Variants in ASTN1 observed in about 807,000 individuals in gnomAD.
ASTN1 encodes the protein astrotactin 1.
In ASTN1, 41 loss-of-function variants were observed where a neutral mutation model predicts 140.7. The ratio of observed to expected loss-of-function variants is 0.29; its 90% CI spans 0.23 to 0.38. ASTN1 has a LOEUF of 0.38. Among genes scored for constraint, ASTN1 ranks in the 10% least tolerant of loss-of-function variants. The probability of loss-of-function intolerance (pLI) is 1.00; values close to 1 mark genes in which losing one functional copy is unlikely to be tolerated. For missense variants in ASTN1, 1,479 were observed against 1,678.8 expected (o/e 0.88, Z 2.08); for synonymous variants, 640 against 652.2 (o/e 0.98, Z 0.29).
At chr1:176,884,083 A>C (rs1668924880) in intron 19 of ASTN1, among the ~76,000 whole-genome samples, 1 of 152,202 alleles carries the variant, frequency 6.6e-6, no homozygotes, top group Non-Finnish European at 1.5e-5. Context: ...CACCTCTTTT[A>C]TAAACAAAAA....
intron 1 of ASTN1, among the ~76,000 whole-genome samples, chr1:177,139,488 A>C (rs993417862): frequency 6.6e-6 from 1 of 152,222 alleles, no homozygotes; most frequent in African/African-American, 2.4e-5. Context: ...TCCTGAACAG[A>C]AGCATATAAT....
chr1:176,930,157 C>T (rs1671146243), intron 16 of ASTN1, among the ~76,000 whole-genome samples: 1 of 152,092 alleles, frequency 6.6e-6, no homozygotes, highest in Non-Finnish European at 1.5e-5. Flanking sequence ...TGAAGACATA[C>T]TTAGGTGGTG....
intron 1 of ASTN1, among the ~76,000 whole-genome samples, chr1:177,145,279 C>T (rs796743078): frequency 2.0e-5 from 3 of 152,218 alleles, no homozygotes; most frequent in African/African-American, 7.2e-5. Context: ...TACCAAGGCC[C>T]CTGGGAAACA....
rs1667982191 is a variant in ASTN1 at position 176,861,954 on chromosome 1, C to T, written c.*2330G>A. The T allele has an allele frequency of 4.1e-6, 4 of 985,588 alleles. No individual in the cohort carries two copies. Among genetic ancestry groups the T allele is most frequent in the South Asian group, 4.7e-5 (1 of 21,280 alleles). The allele number at this position is 985,588 out of a possible 1,614,324, so 61.1% of individuals were successfully genotyped here. Reference sequence around the variant, plus strand: ...TCACCCTCTCCCTGGCCTGTCAACTCCCACATCATCCACTTCTGGGCAGGA... The same window carrying T: ...TCACCCTCTCCCTGGCCTGTCAACTTCCACATCATCCACTTCTGGGCAGGA... On this transcript the variant is annotated 3_prime_UTR_variant, in exon 23 of 23. Coordinates refer to ENST00000361833, the MANE Select transcript of ASTN1 (RefSeq NM_004319.3).
chr1:176,911,441 T>C (rs1670234475), intron 16 of ASTN1, among the ~76,000 whole-genome samples: 1 of 152,238 alleles, frequency 6.6e-6, no homozygotes, highest in South Asian at 2.1e-4. Flanking sequence ...TCTTTTGTAA[T>C]AACACTGAGC....
chr1:176,924,384 A>G (rs1670866552), intron 16 of ASTN1, among the ~76,000 whole-genome samples: 1 of 152,172 alleles, frequency 6.6e-6, no homozygotes, highest in Non-Finnish European at 1.5e-5. Flanking sequence ...TCTCAGCTCA[A>G]AATCACCGTC....
At chr1:176,859,346 G>A (rs1667895771), downstream of ASTN1, among the ~76,000 whole-genome samples, 1 of 152,110 alleles carries the variant, frequency 6.6e-6, no homozygotes, top group South Asian at 2.1e-4. Context: ...CATTGGTGAT[G>A]GGGACATTGT....
intron 8 of ASTN1, among the ~76,000 whole-genome samples, chr1:176,979,297 C>T (rs1199860723): frequency 6.6e-6 from 1 of 152,156 alleles, no homozygotes; most frequent in Non-Finnish European, 1.5e-5. Flanking sequence ...TGGCTATCAT[C>T]TATGATGATA....
intron 6 of ASTN1, among the ~76,000 whole-genome samples, chr1:177,023,982 C>T (rs1014018464): frequency 6.6e-6 from 1 of 152,282 alleles, no homozygotes; most frequent in Non-Finnish European, 1.5e-5. Flanking sequence ...TCTAACACTG[C>T]GTGAACAGTC....
Position 176,861,121 on chromosome 1 carries a change from C to A in ASTN1, c.*3163G>T. 1.1e-6 allele frequency: 1 copy of A among 946,272 alleles called. No individual in the cohort carries two copies. Among genetic ancestry groups the A allele is most frequent in the Non-Finnish European group, 1.3e-6 (1 of 794,344 alleles). The allele number at this position is 946,272 out of a possible 1,614,324, so 58.6% of individuals were successfully genotyped here. A position where few individuals can be genotyped will look rare whatever the true frequency, so the allele number is the denominator to read the frequency against. ...AGTTAATTATTTCATCTTTTATAAT[C>A]ATACAATAATTCTCTTTTAAACAAC... is the stretch of plus-strand genomic sequence containing the variant. On this transcript the variant is annotated 3_prime_UTR_variant, in exon 23 of 23. Coordinates refer to ENST00000361833, the MANE Select transcript of ASTN1 (RefSeq NM_004319.3).
intron 15 of ASTN1, 62 bp downstream of exon 15, chr1:176,936,204 C>T (rs1422300208): frequency 6.9e-7 from 1 of 1,457,796 alleles, no homozygotes; most frequent in South Asian, 1.1e-5. Flanking sequence ...AAGGCTTCTC[C>T]CCTTGGAAAG....
At chr1:176,991,847 T>C (rs926809246) in intron 8 of ASTN1, among the ~76,000 whole-genome samples, 1 of 152,234 alleles carries the variant, frequency 6.6e-6, no homozygotes, top group Non-Finnish European at 1.5e-5. Flanking sequence ...CAGAAAATGA[T>C]GTCAATCTTA....
intron 1 of ASTN1, among the ~76,000 whole-genome samples, chr1:177,068,825 T>C (rs142172253): frequency 0.012 from 1,850 of 149,364 alleles, 43 homozygotes; most frequent in African/African-American, 0.044. Flanking sequence ...TCTTTTCTTT[T>C]TTTTTTTTTT....
At chr1:177,045,950 A>G (rs1348447268) in intron 2 of ASTN1, among the ~76,000 whole-genome samples, 1 of 152,122 alleles carries the variant, frequency 6.6e-6, no homozygotes, top group Non-Finnish European at 1.5e-5. Context: ...AAATAAAAGT[A>G]CCTTCTCTTT....
Position 176,864,065 on chromosome 1 carries a change from G to A in ASTN1, c.*219C>T. On this transcript the variant is annotated 3_prime_UTR_variant, in exon 23 of 23. Coordinates refer to ENST00000361833, the MANE Select transcript of ASTN1 (RefSeq NM_004319.3). ...TAATCCTCTAAAGAAATATGGCACT[G>A]CATGAAGCCACTGGCTGGCAGATTT... is the stretch of plus-strand genomic sequence containing the variant. The A allele has an allele frequency of 7.2e-7, 1 of 1,382,460 alleles. No individual in the cohort carries two copies. Among genetic ancestry groups the A allele is most frequent in the Non-Finnish European group, 9.4e-7 (1 of 1,068,778 alleles). 85.6% of individuals were successfully genotyped at this position (1,382,460 alleles called of 1,614,324 possible).
chr1:176,934,299 G>A lies in ASTN1; in HGVS notation c.2524C>T (p.Arg842Cys), dbSNP rs944529041. Reference protein sequence around the residue: ...ALHSLDGATSRADFVALLDQF... With the variant: ...ALHSLDGATSCADFVALLDQF... ...TCCAACAGCGCCACAAAATCTGCAC[G>A]AGATGTAGCCCCATCCAGCGAGTGG... The change falls in exon 16 of 23, where the codon CGT (arginine) becomes TGT (cysteine). Residue 842 changes from arginine to cysteine, a missense_variant. Transcript: ENST00000361833. 2.5e-6 allele frequency: 4 copies of A among 1,613,940 alleles called. No individual in the cohort carries two copies. Among genetic ancestry groups the A allele is most frequent in the Non-Finnish European group, 3.4e-6 (4 of 1,179,884 alleles).
chr1:177,164,665 G>C lies in ASTN1; in HGVS notation c.12C>G (p.Ala4=). 1.3e-6 allele frequency: 2 copies of C among 1,579,870 alleles called. No homozygotes were observed. Among genetic ancestry groups the C allele is most frequent in the Admixed American group, 3.7e-5 (2 of 53,606 alleles). Residue 4 remains alanine (A), a synonymous_variant, in exon 1 of 23, where the codon GCC becomes GCG. Transcript: ENST00000361833. ...AGCAGGCGAGCAGGGCGCAGAGCCC[G>C]GCTAAAGCCATCTTGAGCCCCGGCC... The part of the protein sequence containing the change: MAL[A]GLCALLACCW...
chr1:177,066,693 C>T (rs1430319292), intron 1 of ASTN1, among the ~76,000 whole-genome samples: 1 of 152,162 alleles, frequency 6.6e-6, no homozygotes, highest in Non-Finnish European at 1.5e-5. Context: ...CATTGAGGAC[C>T]AGCTCCATGA....
chr1:177,056,095 A>G (rs1319685285), intron 2 of ASTN1, among the ~76,000 whole-genome samples: 1 of 152,162 alleles, frequency 6.6e-6, no homozygotes, highest in Non-Finnish European at 1.5e-5. Context: ...TGAATGTAAC[A>G]GTAAGGGCAA....
Sources: gnomAD v4.1 joint callset for allele counts (sites outside exome capture counted in the v4.1 genomes callset) on GRCh38, gnomAD v4.1.1 for gene constraint, MANE v1.5 for transcripts, NCBI Gene and HGNC (gene_info 2026-07-23, HGNC 2026-07-21) for gene names.